The following ATAD2 variants were observed in gnomAD, a reference collection of about 807,000 sequenced individuals.
ATAD2 encodes ATPase family AAA domain containing 2, also known as ATPase family AAA domain-containing protein 2.
In ATAD2, 62 loss-of-function variants were observed where a neutral mutation model predicts 168.9. The ratio of observed to expected loss-of-function variants is 0.37; its 90% CI spans 0.30 to 0.45. The LOEUF (loss-of-function observed/expected upper bound fraction) is 0.45, where lower values mean the gene tolerates loss of function less well. Ranked by LOEUF, ATAD2 falls within the 20% of genes least tolerant of loss-of-function variation. ATAD2 has a pLI of 1.00. For missense variants in ATAD2, 1,419 were observed against 1,667.8 expected (o/e 0.85, Z 2.60); for synonymous variants, 613 against 571.6 (o/e 1.07, Z -1.03).
intron 1 of ATAD2, among the ~76,000 whole-genome samples, chr8:123,383,665 T>C (rs1245876140): frequency 6.6e-6 from 1 of 151,570 alleles, no homozygotes; most frequent in Admixed American, 6.6e-5. Flanking sequence ...CCCAGCAACT[T>C]GGGAGGCTGA....
At position 123,359,655 on chromosome 8, in the gene ATAD2, T is replaced by C. The variant is rs186998399; in HGVS notation, c.1188A>G (p.Glu396=). ...TTCGATCTTTATAAATGCCTTTTAA[T>C]TCATCTTTCCGAAAATTTAGTGGGA... ...RCLPLNFRKD[E]LKGIYKDRMK... is the part of the protein sequence containing the mutation. The change falls in exon 10 of 28, where the codon GAA becomes GAG. Residue 396 remains glutamate, a synonymous_variant. Coordinates refer to ENST00000287394, the MANE Select transcript of ATAD2 (RefSeq NM_014109.4). The C allele has an allele frequency of 1.1e-4, 177 of 1,613,078 alleles. No individual in the cohort carries two copies. In the East Asian group the frequency reaches 3.9e-3, roughly 36 times the overall value.
At chr8:123,414,440 C>T (rs1264611686) in intron 1 of ATAD2, among the ~76,000 whole-genome samples, 3 of 152,132 alleles carry the variant, frequency 2.0e-5, no homozygotes, top group Non-Finnish European at 4.4e-5. Flanking sequence ...GTAGGTCAAG[C>T]AAGGGAAGTT....
At chr8:123,377,023 G>A (rs1243010703) in intron 2 of ATAD2, among the ~76,000 whole-genome samples, 3 of 146,856 alleles carry the variant, frequency 2.0e-5, no homozygotes, top group Non-Finnish European at 3.0e-5. Context: ...GCCAGGGGGC[G>A]GAGGTTGCAG....
intron 1 of ATAD2, among the ~76,000 whole-genome samples, chr8:123,388,175 T>A (rs1262189487): frequency 6.6e-6 from 1 of 152,148 alleles, no homozygotes; most frequent in Non-Finnish European, 1.5e-5. Context: ...CCTCACTGAA[T>A]TCTACAGAAC....
intron 2 of ATAD2, among the ~76,000 whole-genome samples, chr8:123,378,274 A>G (rs1829379934): frequency 6.6e-6 from 1 of 152,182 alleles, no homozygotes; most frequent in South Asian, 2.1e-4. Context: ...AGTATAAAAC[A>G]CTCCATAAAT....
chr8:123,356,543 A>G, intron 12 of ATAD2, 66 bp from the exon 13 acceptor site: 1 of 1,048,884 alleles, frequency 9.5e-7, no homozygotes, highest in Admixed American at 2.5e-5. Context: ...CTTAATATAA[A>G]CCATTTTAAT....
rs1438268568 is a variant in ATAD2, at chr8:123,369,158, T to G, written c.949A>C (p.Lys317Gln). The change falls in exon 8 of 28, where the codon AAG becomes CAG. Residue 317 changes from lysine (K) to glutamine (Q), a missense_variant. Around this residue, in one of 5 missense-constraint regions of ATAD2, gnomAD observed 419 missense variants for 423.5 expected, o/e 0.99. Coordinates refer to ENST00000287394, the MANE Select transcript of ATAD2 (RefSeq NM_014109.4). ...GGGCCACTATAAAATATGTTGGGCT[T>G]TCTCTGGTGACGAGGTTCTAAAAAA... ...APLEKPRHQR[K>Q]PNIFYSGPAS... is the part of the protein sequence containing the mutation. 1 of 1,547,378 alleles carries G rather than the reference T, an allele frequency of 6.5e-7. No homozygotes were observed. The highest frequency in any genetic ancestry group is 8.8e-7 in the Non-Finnish European group (1 of 1,139,438).
At chr8:123,353,345 CAGAG>C (rs1828534425) in intron 13 of ATAD2, among the ~76,000 whole-genome samples, 1 of 152,064 alleles carries the variant, frequency 6.6e-6, no homozygotes, top group Admixed American at 6.6e-5. Context: ...GCCTGGGTGA[CAGAG>C]TGAGACTCTG....
rs1222418166 is a variant in ATAD2 at position 123,347,294 on chromosome 8, A to G, written c.2010T>C (p.Ser670=). Reference sequence around the variant, plus strand: ...AATCCTTAGCTGAGATATTAATTGAAGAGAGATCCAACTGCAGTTTCTCAC... The same window carrying G: ...AATCCTTAGCTGAGATATTAATTGAGGAGAGATCCAACTGCAGTTTCTCAC... ...TTSEKLQLDL[S]SINISAKDFE... is the part of the protein sequence containing the mutation. Residue 670 remains serine (S), a synonymous_variant, in exon 16 of 28, where the codon TCT becomes TCC. Transcript: ENST00000287394. 6.2e-6 allele frequency: 10 copies of G among 1,613,932 alleles called. No homozygotes were observed. The highest frequency in any genetic ancestry group is 7.6e-6 in the Non-Finnish European group (9 of 1,180,032).
intron 13 of ATAD2, chr8:123,352,571 TA>T (rs1256966231): frequency 6.6e-6 from 1 of 152,224 alleles, no homozygotes; most frequent in African/African-American, 2.4e-5. Context: ...ATGAATTTTT[TA>T]TCCAGCAATA....
In ATAD2 at chr8:123,320,645, CT is replaced by C. The variant is rs1827441874; in HGVS notation, c.*488del. ...CCGCAAATCATGACTTGCACTCTGG[CT>C]TTTAAGTGAAGACGAGGGAATCTCA... On this transcript the variant is annotated 3_prime_UTR_variant, in exon 28 of 28. Transcript: ENST00000287394. 2.6e-5 allele frequency: 4 copies of C among 154,908 alleles called. No homozygotes were observed. In the South Asian group the frequency reaches 8.1e-4, roughly 31 times the overall value. 9.6% of individuals were successfully genotyped at this position (154,908 alleles called of 1,614,324 possible). A position where few individuals can be genotyped will look rare whatever the true frequency, so the allele number is the denominator to read the frequency against.
chr8:123,380,426 A>AG, intron 2 of ATAD2, 103 bp downstream of exon 2: 1 of 1,206,356 alleles, frequency 8.3e-7, no homozygotes, highest in Non-Finnish European at 1.2e-6. Context: ...TTATAGCCCT[A>AG]GAACCTTGAT....
At position 123,344,973 on chromosome 8, in the gene ATAD2, A is replaced by G; in HGVS notation, c.2629T>C (p.Phe877Leu). ...EIVGPTLKAT[F>L]TTLLQNIPSF... is the part of the protein sequence containing the mutation. ...GGAATATTCTGTAATAATGTGGTAA[A>G]TGTGGCTTTAAGTGTCGGTCCAACT... Residue 877 changes from phenylalanine (F) to leucine (L), a missense_variant, in exon 19 of 28, where the codon TTT (phenylalanine) becomes CTT (leucine). Physicochemically the swap from Phe to Leu is conservative, Grantham distance 22 (BLOSUM62 0). Around this residue, in one of 5 missense-constraint regions of ATAD2, gnomAD observed 545 missense variants for 724.9 expected, o/e 0.75. Transcript: ENST00000287394. The G allele has an allele frequency of 1.9e-6, 3 of 1,614,076 alleles. No individual in the cohort carries two copies. The highest frequency in any genetic ancestry group is 2.5e-6 in the Non-Finnish European group (3 of 1,179,912).
At chr8:123,372,319 A>C (rs1829173075) in intron 3 of ATAD2, among the ~76,000 whole-genome samples, 1 of 152,242 alleles carries the variant, frequency 6.6e-6, no homozygotes, top group Non-Finnish European at 1.5e-5. Flanking sequence ...AACAGAGAAC[A>C]GATTCTAAAA....
chr8:123,386,651 C>T (rs906271443), intron 1 of ATAD2, among the ~76,000 whole-genome samples: 6 of 151,822 alleles, frequency 4.0e-5, no homozygotes, highest in African/African-American at 7.3e-5. Flanking sequence ...ACGGTTAAAA[C>T]GGTCAATTTT....
Position 123,361,544 on chromosome 8 carries a change from G to A in ATAD2, c.1152C>T (p.Ile384=), listed in dbSNP as rs1355510849. The stretch of plus-strand genomic sequence containing the variant: ...GGCATCAATATGGCACTTACCTATT[G>A]ATAGCCCTATTACGACTCCTTTTCC... ...RRRKRSRNRA[I]NRCLPLNFRK... The change falls in exon 9 of 28, where the codon ATC becomes ATT. Residue 384 remains isoleucine, a synonymous_variant. Transcript: ENST00000287394. 6.2e-7 allele frequency: 1 copy of A among 1,611,348 alleles called. No homozygotes were observed. Among genetic ancestry groups the A allele is most frequent in the Admixed American group, 1.7e-5 (1 of 59,980 alleles).
chr8:123,379,883 TA>T (rs1829440986), intron 2 of ATAD2, among the ~76,000 whole-genome samples: 7 of 135,328 alleles, frequency 5.2e-5, no homozygotes, highest in African/African-American at 1.6e-4. Flanking sequence ...TTATTATTAT[TA>T]TTATTATTTT....
rs1828225454 is a variant in ATAD2, at chr8:123,345,939, T to C, written c.2532+147A>G. On this transcript the variant is annotated intron_variant, in intron 18 of 27. Coordinates refer to ENST00000287394, the MANE Select transcript of ATAD2 (RefSeq NM_014109.4). ...TGGGATTTAAAGTCATTCTCTTTAA[T>C]GACTAAGCAATCATGCATAACTCTG... 3 of 546,054 alleles carry C rather than the reference T, an allele frequency of 5.5e-6. No individual in the cohort carries two copies. In the South Asian group the frequency reaches 1.3e-4, roughly 23 times the overall value. The allele number at this position is 546,054 out of a possible 1,614,324, so 33.8% of individuals were successfully genotyped here. A position where few individuals can be genotyped will look rare whatever the true frequency, so the allele number is the denominator to read the frequency against.
At chr8:123,341,693 TGCAATGAA>T (rs1362946674) in intron 19 of ATAD2, among the ~76,000 whole-genome samples, 1 of 152,194 alleles carries the variant, frequency 6.6e-6, no homozygotes, top group African/African-American at 2.4e-5. Flanking sequence ...TAGCCTTTCT[TGCAATGAA>T]GTAGGCTATG....
Sources: gnomAD v4.1 joint callset for allele counts (sites outside exome capture counted in the v4.1 genomes callset) on GRCh38, gnomAD v4.1.1 for gene constraint, gnomAD v4.1.1 regional missense constraint, MANE v1.5 for transcripts, NCBI Gene and HGNC (gene_info 2026-07-23, HGNC 2026-07-21) for gene names.